Variants in AGMO observed in about 807,000 individuals in gnomAD.
The protein encoded by AGMO is glyceryl-ether monooxygenase.
In AGMO, 75 loss-of-function variants were observed where a neutral mutation model predicts 60.2. The ratio of observed to expected loss-of-function variants is 1.25; its 90% CI spans 1.03 to 1.51. The LOEUF (loss-of-function observed/expected upper bound fraction) is 1.51, where lower values mean the gene tolerates loss of function less well. Among genes scored for constraint, AGMO ranks in the 40% most tolerant of loss-of-function variants. AGMO has a pLI of 0.00. For synonymous variants in AGMO, 261 were observed against 177.1 expected, an observed-to-expected ratio of 1.47 and a Z score of -3.76; for missense variants, 763 against 525.5, an observed-to-expected ratio of 1.45 and a Z score of -4.42.
rs78718214 is a variant in AGMO at position 15,437,463 on chromosome 7, T to C, written c.410-6355A>G. On this transcript the variant is annotated intron_variant, in intron 3 of 12. Coordinates refer to ENST00000342526, the MANE Select transcript of AGMO (RefSeq NM_001004320.2). ...ATATTTTTGTTCCACACATTTTGTATATTTGTATATATCCATATGTTCAGC... is the reference window on the plus strand; with the variant it reads ...ATATTTTTGTTCCACACATTTTGTACATTTGTATATATCCATATGTTCAGC... 1.8e-3 allele frequency among the ~76,000 whole-genome samples: 271 copies of C among 152,202 alleles called. 8 individuals are homozygous for C. The East Asian group carries it at 0.05, about 28-fold the overall frequency.
chr7:15,159,004 C>T, the AGMO span, among the ~76,000 whole-genome samples: 2 of 151,988 alleles, frequency 1.3e-5, no homozygotes, highest in East Asian at 1.9e-4. Flanking sequence ...TTCTCTTAAG[C>T]AACTAATATG....
intron 12 of AGMO, among the ~76,000 whole-genome samples, chr7:15,277,013 T>G (rs549804535): frequency 2.6e-5 from 4 of 151,952 alleles, no homozygotes; most frequent in Non-Finnish European, 1.5e-5. Context: ...ATCTAAAGTT[T>G]AAATTTTTTA....
intron 2 of AGMO, among the ~76,000 whole-genome samples, chr7:15,550,510 A>G (rs1784920825): frequency 6.6e-6 from 1 of 152,182 alleles, no homozygotes; most frequent in Non-Finnish European, 1.5e-5. Flanking sequence ...ACAGAAATAC[A>G]AACTACCATC....
intron 12 of AGMO, among the ~76,000 whole-genome samples, chr7:15,312,480 C>G (rs1425073055): frequency 8.4e-6 from 1 of 119,140 alleles, no homozygotes; most frequent in Non-Finnish European, 1.6e-5. Context: ...TCAAATGTAT[C>G]TTTAGTGTGC....
chr7:15,464,741 T>G (rs962872817), intron 3 of AGMO, among the ~76,000 whole-genome samples: 9 of 152,224 alleles, frequency 5.9e-5, no homozygotes, highest in Non-Finnish European at 1.2e-4. Context: ...GTGTTGTAGT[T>G]GTGAGCACAG....
chr7:15,478,851 T>C (rs769074885), intron 3 of AGMO, among the ~76,000 whole-genome samples: 26 of 152,214 alleles, frequency 1.7e-4, no homozygotes, highest in Admixed American at 3.9e-4. Context: ...TGATATTGTA[T>C]ATTGAAAAAT....
chr7:15,340,829 A>C (rs1563096564), intron 12 of AGMO, among the ~76,000 whole-genome samples: 1 of 150,472 alleles, frequency 6.6e-6, no homozygotes, highest in African/African-American at 2.5e-5. Flanking sequence ...TGGTGCCCCC[A>C]CACAGAGTCC....
intron 12 of AGMO, among the ~76,000 whole-genome samples, chr7:15,318,212 C>G (rs926254072): frequency 6.6e-6 from 1 of 151,752 alleles, no homozygotes; most frequent in African/African-American, 2.4e-5. Flanking sequence ...ACTGTGTTGG[C>G]CAGGCTGGTC....
At chr7:15,307,609 A>C (rs1780654224) in intron 12 of AGMO, among the ~76,000 whole-genome samples, 1 of 152,006 alleles carries the variant, frequency 6.6e-6, no homozygotes, top group Non-Finnish European at 1.5e-5. Context: ...ACAATAAAAC[A>C]TTTCCCAAGG....
chr7:15,138,080 A>T, the AGMO span, among the ~76,000 whole-genome samples: 3 of 152,028 alleles, frequency 2.0e-5, no homozygotes, highest in Admixed American at 2.0e-4. Context: ...CTCAGCTCTC[A>T]TGTTCCTCCA....
chr7:15,376,978 A>T (rs1479822736), intron 10 of AGMO, among the ~76,000 whole-genome samples: 1 of 152,144 alleles, frequency 6.6e-6, no homozygotes, highest in Non-Finnish European at 1.5e-5. Context: ...ACTTGCATAC[A>T]TAAAACAAGT....
At chr7:15,507,329 G>C (rs115534470) in intron 3 of AGMO, among the ~76,000 whole-genome samples, 3 of 152,036 alleles carry the variant, frequency 2.0e-5, no homozygotes, top group Admixed American at 2.0e-4. Flanking sequence ...ATGCACAACA[G>C]TATGACCCCC....
At chr7:15,201,382 G>GAA in intron 12 of AGMO, 23 bp from the exon 13 acceptor site, 1 of 1,547,914 alleles carries the variant, frequency 6.5e-7, no homozygotes, top group Non-Finnish European at 8.8e-7. Flanking sequence ...AACACAAAGA[G>GAA]AAAAAAAAAT....
At chr7:15,416,465 T>G (rs2128493775) in intron 5 of AGMO, among the ~76,000 whole-genome samples, 1 of 152,348 alleles carries the variant, frequency 6.6e-6, no homozygotes, top group South Asian at 2.1e-4. Context: ...TTTTCCTTCC[T>G]TTTATTCTAA....
chr7:15,238,905 C>T (rs1034862650), intron 12 of AGMO, among the ~76,000 whole-genome samples: 11 of 152,140 alleles, frequency 7.2e-5, no homozygotes, highest in Non-Finnish European at 1.3e-4. Flanking sequence ...TTACTATACA[C>T]CAGGCGCAGG....
At chr7:15,214,445 C>A (rs865909848) in intron 12 of AGMO, among the ~76,000 whole-genome samples, 1 of 151,910 alleles carries the variant, frequency 6.6e-6, no homozygotes, top group East Asian at 1.9e-4. Context: ...CCTTCAATAA[C>A]CCCTAAAGTA....
At chr7:15,337,334 T>C (rs1199608494) in intron 12 of AGMO, among the ~76,000 whole-genome samples, 1 of 152,168 alleles carries the variant, frequency 6.6e-6, no homozygotes, top group Non-Finnish European at 1.5e-5. Context: ...CATAATTATA[T>C]AATTCATATT....
intron 12 of AGMO, among the ~76,000 whole-genome samples, chr7:15,303,449 G>C (rs1730896339): frequency 6.6e-6 from 1 of 151,548 alleles, no homozygotes; most frequent in Admixed American, 6.6e-5. Flanking sequence ...AAAAAAAAGA[G>C]AGAGAAGGGG....
At chr7:15,370,851 CTG>C (rs1783180991) in intron 10 of AGMO, among the ~76,000 whole-genome samples, 1 of 152,134 alleles carries the variant, frequency 6.6e-6, no homozygotes. Flanking sequence ...TCTGTTTACT[CTG>C]TTGATAGTTT....
Sources: gnomAD v4.1 joint callset for allele counts (sites outside exome capture counted in the v4.1 genomes callset) on GRCh38, gnomAD v4.1.1 for gene constraint, MANE v1.5 for transcripts, NCBI Gene and HGNC (gene_info 2026-07-23, HGNC 2026-07-21) for gene names.